The following ZNF365 variants were observed in gnomAD, a reference collection of about 807,000 sequenced individuals.
The protein encoded by ZNF365 is protein ZNF365.
A neutral mutation model predicts 35.0 loss-of-function variants in ZNF365; 22 were observed. That is an observed-to-expected ratio of 0.63 (90% CI 0.45 to 0.90). The LOEUF (loss-of-function observed/expected upper bound fraction) is 0.90, where lower values mean the gene tolerates loss of function less well. ZNF365 is among the 40% of genes least tolerant of loss of function. ZNF365 has a pLI of 0.00. For synonymous variants in ZNF365, 188 were observed against 196.2 expected, an observed-to-expected ratio of 0.96 and a Z score of 0.35; for missense variants, 448 against 500.3, an observed-to-expected ratio of 0.90 and a Z score of 1.00.
chr10:62,450,325 G>A (rs1589460447), intron 3 of ZNF365, among the ~76,000 whole-genome samples: 1 of 152,110 alleles, frequency 6.6e-6, no homozygotes, highest in African/African-American at 2.4e-5. Flanking sequence ...CATACGTCGC[G>A]AAATAAGTAC....
Position 62,444,311 on chromosome 10 carries a change from G to A in ZNF365, c.925-15430G>A, listed in dbSNP as rs147976320. Among the ~76,000 whole-genome samples the A allele has an allele frequency of 3.4e-3, 521 of 152,228 alleles. 1 individual carries two copies. Among genetic ancestry groups the A allele is most frequent in the African/African-American group, 0.012 (479 of 41,530 alleles). On this transcript the variant is annotated intron_variant, in intron 3 of 4. Coordinates refer to the ZNF365 transcript ENST00000395255. ...TTGAGTTTGGCCATTGAGAGGCCCC[G>A]GTAGGAGACAGGAGAGTGGGAAGAG...
intron 3 of ZNF365, among the ~76,000 whole-genome samples, chr10:62,396,649 A>C (rs187989282): frequency 7.7e-4 from 118 of 152,318 alleles, no homozygotes; most frequent in African/African-American, 2.6e-3. Flanking sequence ...ATAGTCACTA[A>C]GGTTGGAGTT....
chr10:62,466,384 C>T (rs142307667), intron 4 of ZNF365, among the ~76,000 whole-genome samples: 69 of 152,302 alleles, frequency 4.5e-4, no homozygotes, highest in African/African-American at 1.6e-3. Context: ...CCTGGCTGTG[C>T]ACAGCAGCGA....
intron 3 of ZNF365, among the ~76,000 whole-genome samples, chr10:62,433,830 G>A (rs111672491): frequency 2.2e-3 from 342 of 152,288 alleles, no homozygotes; most frequent in African/African-American, 7.9e-3. Context: ...AAGTTAAGGC[G>A]TTTTGGGGGT....
chr10:62,449,907 A>T (rs1840651622), intron 3 of ZNF365, among the ~76,000 whole-genome samples: 1 of 151,852 alleles, frequency 6.6e-6, no homozygotes, highest in East Asian at 1.9e-4. Context: ...AAAGTGAATG[A>T]GGCAACTAAT....
chr10:62,383,090 A>G (rs565201195), intron 2 of ZNF365, among the ~76,000 whole-genome samples: 25 of 152,318 alleles, frequency 1.6e-4, no homozygotes, highest in Admixed American at 1.2e-3. Context: ...AAAGGAAAAA[A>G]GAAACTTAAG....
At chr10:62,453,119 G>A (rs1009924527) in intron 3 of ZNF365, among the ~76,000 whole-genome samples, 2 of 152,200 alleles carry the variant, frequency 1.3e-5, no homozygotes, top group Admixed American at 1.3e-4. Flanking sequence ...AAAACTTGGA[G>A]TTTGTACATC....
intron 4 of ZNF365, among the ~76,000 whole-genome samples, chr10:62,474,115 G>T (rs1028567400): frequency 3.6e-4 from 55 of 152,304 alleles, no homozygotes; most frequent in Admixed American, 2.6e-3. Context: ...CCCAGAAATT[G>T]CCAGAAGTTT....
chr10:62,469,300 G>A (rs984836101), intron 4 of ZNF365, among the ~76,000 whole-genome samples: 3 of 152,158 alleles, frequency 2.0e-5, no homozygotes, highest in Non-Finnish European at 4.4e-5. Flanking sequence ...GGGCAATTTT[G>A]TGAGAATTTT....
intron 4 of ZNF365, among the ~76,000 whole-genome samples, chr10:62,464,983 A>G (rs1410805855): frequency 6.6e-6 from 1 of 152,188 alleles, no homozygotes; most frequent in East Asian, 1.9e-4. Flanking sequence ...CACCCTATCA[A>G]GTTGGTGGGA....
At chr10:62,471,384 A>T (rs1208885194) in intron 4 of ZNF365, among the ~76,000 whole-genome samples, 1 of 151,452 alleles carries the variant, frequency 6.6e-6, no homozygotes, top group Non-Finnish European at 1.5e-5. Flanking sequence ...AAAAAAAAAA[A>T]TAGGTATTCT....
At chr10:62,414,078 A>G (rs1475679005) in intron 3 of ZNF365, among the ~76,000 whole-genome samples, 3 of 152,174 alleles carry the variant, frequency 2.0e-5, no homozygotes, top group Non-Finnish European at 2.9e-5. Flanking sequence ...AGTTTATTGG[A>G]TATAATAGAG....
chr10:62,412,054 C>T lies in ZNF365; in HGVS notation c.924+23478C>T, dbSNP rs7072561. Among the ~76,000 whole-genome samples, 1,165 of 152,076 alleles carry T rather than the reference C, an allele frequency of 7.7e-3. 20 individuals are homozygous for T. Among genetic ancestry groups the T allele is most frequent in the African/African-American group, 0.026 (1,087 of 41,464 alleles). On this transcript the variant is annotated intron_variant, in intron 3 of 4. Transcript: ENST00000395255. ...AATCCTCAATAAAATACTGGCAAAC[C>T]GAATCCAGCAACACATCAAAAAGCT...
At chr10:62,393,325 C>A (rs971844494) in intron 3 of ZNF365, among the ~76,000 whole-genome samples, 1 of 152,178 alleles carries the variant, frequency 6.6e-6, no homozygotes, top group African/African-American at 2.4e-5. Context: ...CGTTTATTGT[C>A]ATTATCAGGT....
chr10:62,426,049 C>A (rs1840246274), intron 3 of ZNF365, among the ~76,000 whole-genome samples: 1 of 152,104 alleles, frequency 6.6e-6, no homozygotes, highest in Non-Finnish European at 1.5e-5. Flanking sequence ...TAATCCCTCC[C>A]TATATGTTAA....
At chr10:62,470,508 C>T (rs1242927114) in intron 4 of ZNF365, among the ~76,000 whole-genome samples, 1 of 152,232 alleles carries the variant, frequency 6.6e-6, no homozygotes, top group Non-Finnish European at 1.5e-5. Context: ...GGGACACTGA[C>T]AACCTCTGCT....
chr10:62,402,124 C>T lies in ZNF365; in HGVS notation c.*2335C>T, dbSNP rs1012973293. ...AAATATTTTCTTTGTCCACATGGGCCGTTGACCTTAGAGTTAAGGCGGTTG... is the reference window on the plus strand; with the variant it reads ...AAATATTTTCTTTGTCCACATGGGCTGTTGACCTTAGAGTTAAGGCGGTTG... On this transcript the variant is annotated 3_prime_UTR_variant, in exon 5 of 5. Transcript: ENST00000395254. 21 of 985,768 alleles carry T rather than the reference C, an allele frequency of 2.1e-5. No homozygotes were observed. The Admixed American group carries it at 7.4e-4, about 35-fold the overall frequency. 61.1% of individuals were successfully genotyped at this position (985,768 alleles called of 1,614,324 possible). A position where few individuals can be genotyped will look rare whatever the true frequency, so the allele number is the denominator to read the frequency against.
Position 62,401,716 on chromosome 10 carries a change from T to G in ZNF365, c.*1927T>G. On this transcript the variant is annotated 3_prime_UTR_variant, in exon 5 of 5. Coordinates refer to ENST00000395254, the MANE Select transcript of ZNF365 (RefSeq NM_014951.3). ...ATGACTTGTTAGTTGTATTGCATGC[T>G]CTTTGTCCTGTAATGTGTGTGCAAT... 1 of 985,574 alleles carries G rather than the reference T, an allele frequency of 1.0e-6. No homozygotes were observed. The highest frequency in any genetic ancestry group is 1.2e-6 in the Non-Finnish European group (1 of 829,922). 61.1% of individuals were successfully genotyped at this position (985,574 alleles called of 1,614,324 possible). A position where few individuals can be genotyped will look rare whatever the true frequency, so the allele number is the denominator to read the frequency against.
intron 3 of ZNF365, among the ~76,000 whole-genome samples, chr10:62,423,485 T>C (rs1035010715): frequency 2.0e-5 from 3 of 152,202 alleles, no homozygotes; most frequent in East Asian, 1.9e-4. Flanking sequence ...TTTGGGTACA[T>C]TCAATCATTC....
Sources: gnomAD v4.1 joint callset for allele counts (sites outside exome capture counted in the v4.1 genomes callset) on GRCh38, gnomAD v4.1.1 for gene constraint, MANE v1.5 for transcripts, NCBI Gene and HGNC (gene_info 2026-07-23, HGNC 2026-07-21) for gene names.